The following NT5DC1 variants were observed in gnomAD, a reference collection of about 807,000 sequenced individuals.
NT5DC1 encodes 5'-nucleotidase domain-containing protein 1.
A neutral mutation model predicts 59.4 loss-of-function variants in NT5DC1; 42 were observed. The ratio of observed to expected loss-of-function variants is 0.71; its 90% CI spans 0.55 to 0.92. The LOEUF (loss-of-function observed/expected upper bound fraction) is 0.92, where lower values mean the gene tolerates loss of function less well. Among genes scored for constraint, NT5DC1 ranks in the 40% least tolerant of loss-of-function variants. The pLI, the probability that NT5DC1 is intolerant of heterozygous loss-of-function variation, is 0.00. For synonymous variants in NT5DC1, 172 were observed against 188.1 expected, an observed-to-expected ratio of 0.91 and a Z score of 0.70; for missense variants, 501 against 537.1, an observed-to-expected ratio of 0.93 and a Z score of 0.66.
At chr6:116,147,302 C>T (rs190131665) in intron 6 of NT5DC1, among the ~76,000 whole-genome samples, 5 of 151,888 alleles carry the variant, frequency 3.3e-5, no homozygotes, top group African/African-American at 9.6e-5. Flanking sequence ...AGTAGCTGGG[C>T]GTGGTGGCAT....
At chr6:116,227,630 CT>C (rs1298936506) in intron 8 of NT5DC1, among the ~76,000 whole-genome samples, 2 of 151,664 alleles carry the variant, frequency 1.3e-5, no homozygotes, top group African/African-American at 4.9e-5. Flanking sequence ...TAACACTTAT[CT>C]TTTGTCTTTT....
At chr6:116,170,903 T>C (rs1406474877) in intron 6 of NT5DC1, among the ~76,000 whole-genome samples, 2 of 152,150 alleles carry the variant, frequency 1.3e-5, no homozygotes, top group Admixed American at 1.3e-4. Flanking sequence ...TAAGGTCACC[T>C]CCTCCCTTAA....
Position 116,114,538 on chromosome 6 carries a change from G to T in NT5DC1, c.365-1153G>T, listed in dbSNP as rs201974215. Among the ~76,000 whole-genome samples the T allele has an allele frequency of 6.3e-4, 88 of 140,398 alleles. 1 individual carries two copies. Among genetic ancestry groups the T allele is most frequent in the Non-Finnish European group, 1.1e-3 (72 of 64,556 alleles). The allele number at this position is 140,398 out of a possible 152,430, so 92.1% of individuals were successfully genotyped here. ...TACATAGCTTGCAAATTGGGGGGAGGGGGGGGGAGTCAAAATCAGGTGATT... is the reference window on the plus strand; with the variant it reads ...TACATAGCTTGCAAATTGGGGGGAGTGGGGGGGAGTCAAAATCAGGTGATT... On this transcript the variant is annotated intron_variant, in intron 4 of 11. Coordinates refer to ENST00000319550, the MANE Select transcript of NT5DC1 (RefSeq NM_152729.3).
intron 6 of NT5DC1, among the ~76,000 whole-genome samples, chr6:116,178,950 A>C (rs1167542250): frequency 6.6e-6 from 1 of 152,220 alleles, no homozygotes. Context: ...CTGAAGGCAC[A>C]AAGACAGTGA....
chr6:116,195,928 A>C (rs1781217710), intron 6 of NT5DC1, among the ~76,000 whole-genome samples: 1 of 152,002 alleles, frequency 6.6e-6, no homozygotes. Flanking sequence ...ATGGAGAGAG[A>C]TTCCTGCCTC....
chr6:116,224,047 C>T (rs983274339), intron 8 of NT5DC1, among the ~76,000 whole-genome samples: 2 of 152,016 alleles, frequency 1.3e-5, no homozygotes, highest in South Asian at 2.1e-4. Flanking sequence ...TATAATTTTA[C>T]TTTTGATTCA....
intron 6 of NT5DC1, among the ~76,000 whole-genome samples, chr6:116,151,591 C>A (rs1780039694): frequency 6.6e-6 from 1 of 152,124 alleles, no homozygotes; most frequent in African/African-American, 2.4e-5. Context: ...TTAAAATTCA[C>A]AGAGTTATCT....
At chr6:116,159,124 A>G (rs529731564) in intron 6 of NT5DC1, among the ~76,000 whole-genome samples, 1 of 152,176 alleles carries the variant, frequency 6.6e-6, no homozygotes, top group South Asian at 2.1e-4. Context: ...CCACAGAAGG[A>G]TATCTTCTTA....
In NT5DC1 at chr6:116,117,962, G is replaced by T; in HGVS notation, c.529+17G>T. ...CTTTTAAGGGTAAGTATTGTGAAGA[G>T]GGGCCTTCTAATACGTGTTTGTTAA... On this transcript the variant is annotated intron_variant, in intron 6 of 11. Coordinates refer to ENST00000319550, the MANE Select transcript of NT5DC1 (RefSeq NM_152729.3). 1 of 1,243,626 alleles carries T rather than the reference G, an allele frequency of 8.0e-7. No individual in the cohort carries two copies. Among genetic ancestry groups the T allele is most frequent in the South Asian group, 1.2e-5 (1 of 83,576 alleles). The allele number at this position is 1,243,626 out of a possible 1,614,324, so 77.0% of individuals were successfully genotyped here.
chr6:116,241,934 A>C (rs1483468863), intron 11 of NT5DC1, among the ~76,000 whole-genome samples: 9 of 24,520 alleles, frequency 3.7e-4, no homozygotes, highest in Non-Finnish European at 5.2e-4. Context: ...AAAAAAAAAA[A>C]AAAACAAAAC....
At chr6:116,164,687 G>A (rs1369302041) in intron 6 of NT5DC1, among the ~76,000 whole-genome samples, 1 of 152,136 alleles carries the variant, frequency 6.6e-6, no homozygotes, top group East Asian at 1.9e-4. Context: ...GTACTTACGT[G>A]TGCTTTTGTG....
At chr6:116,141,238 T>C (rs1779756393) in intron 6 of NT5DC1, among the ~76,000 whole-genome samples, 2 of 152,012 alleles carry the variant, frequency 1.3e-5, no homozygotes, top group Admixed American at 1.3e-4. Context: ...AATACCTGAT[T>C]GTACCTTTGC....
chr6:116,175,133 A>G (rs952643652), intron 6 of NT5DC1, among the ~76,000 whole-genome samples: 1 of 152,144 alleles, frequency 6.6e-6, no homozygotes, highest in African/African-American at 2.4e-5. Flanking sequence ...TATATTTTGT[A>G]TAGAGTTTGA....
chr6:116,211,651 C>T (rs565960424), intron 6 of NT5DC1, among the ~76,000 whole-genome samples: 4 of 152,004 alleles, frequency 2.6e-5, no homozygotes, highest in Admixed American at 2.6e-4. Flanking sequence ...ATATAGAGTC[C>T]ACGAAGTATA....
At chr6:116,151,573 G>A (rs1780039268) in intron 6 of NT5DC1, among the ~76,000 whole-genome samples, 1 of 152,126 alleles carries the variant, frequency 6.6e-6, no homozygotes, top group Non-Finnish European at 1.5e-5. Flanking sequence ...TGGCCTGTTG[G>A]TATGCTTTTA....
chr6:116,107,659 G>C (rs1349767962), intron 2 of NT5DC1, among the ~76,000 whole-genome samples: 1 of 151,528 alleles, frequency 6.6e-6, no homozygotes, highest in African/African-American at 2.4e-5. Flanking sequence ...TGCAAGCTCT[G>C]CCTCCCGGGT....
intron 6 of NT5DC1, among the ~76,000 whole-genome samples, chr6:116,170,783 ATAGTACCT>A (rs987474899): frequency 6.6e-6 from 1 of 152,174 alleles, no homozygotes; most frequent in Non-Finnish European, 1.5e-5. Context: ...AAAATACTGC[ATAGTACCT>A]TCAGTTGATC....
chr6:116,122,470 A>G (rs1394295231), intron 6 of NT5DC1, among the ~76,000 whole-genome samples: 1 of 152,206 alleles, frequency 6.6e-6, no homozygotes, highest in Non-Finnish European at 1.5e-5. Flanking sequence ...TTACCTCAGA[A>G]TATACTCTGA....
At chr6:116,189,160 T>C (rs1480917735) in intron 6 of NT5DC1, among the ~76,000 whole-genome samples, 2 of 151,966 alleles carry the variant, frequency 1.3e-5, no homozygotes, top group African/African-American at 4.8e-5. Context: ...TGAATTTTGT[T>C]CTTTTTTTTA....
Sources: gnomAD v4.1 joint callset for allele counts (sites outside exome capture counted in the v4.1 genomes callset) on GRCh38, gnomAD v4.1.1 for gene constraint, MANE v1.5 for transcripts, NCBI Gene and HGNC (gene_info 2026-07-23, HGNC 2026-07-21) for gene names.